TEX36: variants seen among roughly 807,000 people sequenced by gnomAD.
The protein encoded by TEX36 is testis-expressed protein 36.
A neutral mutation model predicts 13.6 loss-of-function variants in TEX36; 12 were observed. The observed-to-expected ratio is 0.88, with a 90% CI of 0.56 to 1.43. TEX36 has a LOEUF of 1.43. TEX36 is among the 40% of genes most tolerant of loss of function. The pLI, the probability that TEX36 is intolerant of heterozygous loss-of-function variation, is 0.00. For synonymous variants in TEX36, 93 were observed against 83.0 expected, an observed-to-expected ratio of 1.12 and a Z score of -0.65; for missense variants, 224 against 228.3, an observed-to-expected ratio of 0.98 and a Z score of 0.12.
At chr10:125,680,286 GTC>G (rs1423472076) in intron 1 of TEX36, among the ~76,000 whole-genome samples, 1 of 152,170 alleles carries the variant, frequency 6.6e-6, no homozygotes, top group Non-Finnish European at 1.5e-5. Flanking sequence ...CAAGAATGAT[GTC>G]TCTCACCAGT....
At chr10:125,652,217 G>A (rs1179521801), downstream of TEX36, among the ~76,000 whole-genome samples, 1 of 152,144 alleles carries the variant, frequency 6.6e-6, no homozygotes, top group African/African-American at 2.4e-5. Context: ...GAAAACTGGA[G>A]GCATCATGCT....
intron 3 of TEX36, among the ~76,000 whole-genome samples, chr10:125,602,984 G>A (rs1250596843): frequency 6.6e-6 from 1 of 152,302 alleles, no homozygotes; most frequent in Admixed American, 6.5e-5. Flanking sequence ...TCCGGGGCTT[G>A]GGAAGGTTCC....
downstream of TEX36, among the ~76,000 whole-genome samples, chr10:125,651,051 C>T (rs564865501): frequency 2.1e-3 from 317 of 152,230 alleles, 2 homozygotes; most frequent in African/African-American, 7.1e-3. Context: ...GATTCACAGC[C>T]GAATTCTACC....
At chr10:125,667,967 A>G in intron 1 of TEX36, 2 of 887,022 alleles carry the variant, frequency 2.3e-6, no homozygotes, top group Non-Finnish European at 3.8e-6. Flanking sequence ...GGTGGTGGCA[A>G]GTTCCAGTGC....
chr10:125,638,168 G>T (rs1329490353), intron 3 of TEX36, among the ~76,000 whole-genome samples: 1 of 129,418 alleles, frequency 7.7e-6, no homozygotes, highest in Non-Finnish European at 1.6e-5. Context: ...CCCTCCCCCA[G>T]CCCCCATCCC....
At chr10:125,680,374 G>A (rs551561377) in intron 1 of TEX36, among the ~76,000 whole-genome samples, 6 of 152,244 alleles carry the variant, frequency 3.9e-5, no homozygotes, top group South Asian at 2.1e-4. Flanking sequence ...TGGCTCTAGC[G>A]TTTTAATTTC....
chr10:125,581,241 C>T (rs1032171796), intron 3 of TEX36, among the ~76,000 whole-genome samples: 2 of 152,118 alleles, frequency 1.3e-5, no homozygotes, highest in Admixed American at 6.5e-5. Context: ...CAGTCGGGGA[C>T]GGGAGTTGAT....
intron 3 of TEX36, among the ~76,000 whole-genome samples, chr10:125,589,513 G>C (rs904994610): frequency 6.6e-6 from 1 of 152,114 alleles, no homozygotes; most frequent in African/African-American, 2.4e-5. Context: ...CTATTTTAAA[G>C]GAGTGTCTTT....
chr10:125,624,266 G>A (rs1030236777), intron 3 of TEX36, among the ~76,000 whole-genome samples: 1 of 152,208 alleles, frequency 6.6e-6, no homozygotes, highest in Non-Finnish European at 1.5e-5. Flanking sequence ...AAATGACAGT[G>A]AGAGACACCG....
downstream of TEX36, among the ~76,000 whole-genome samples, chr10:125,620,293 C>T (rs1846414084): frequency 1.3e-5 from 2 of 152,168 alleles, no homozygotes; most frequent in South Asian, 4.2e-4. Context: ...AAAATCTTCG[C>T]TCATTTTGTC....
chr10:125,588,526 G>A (rs1845984756), intron 3 of TEX36, among the ~76,000 whole-genome samples: 1 of 152,204 alleles, frequency 6.6e-6, no homozygotes, highest in African/African-American at 2.4e-5. Flanking sequence ...AGGTGAAAGG[G>A]GAAGCAATGC....
At chr10:125,593,168 A>C (rs1399376713) in intron 3 of TEX36, among the ~76,000 whole-genome samples, 10 of 152,210 alleles carry the variant, frequency 6.6e-5, no homozygotes, top group Non-Finnish European at 1.5e-4. Flanking sequence ...ACCATCCCCC[A>C]TCCTGGGGCT....
chr10:125,593,002 T>C (rs773163158), intron 3 of TEX36, among the ~76,000 whole-genome samples: 2 of 152,180 alleles, frequency 1.3e-5, no homozygotes, highest in Non-Finnish European at 2.9e-5. Context: ...ACCCTGCCCG[T>C]TTGGGTTTTT....
chr10:125,664,028 T>C (rs1209567425), intron 1 of TEX36, among the ~76,000 whole-genome samples: 1 of 152,198 alleles, frequency 6.6e-6, no homozygotes, highest in Non-Finnish European at 1.5e-5. Flanking sequence ...TAACCATCAT[T>C]CTACTCTCTA....
intron 1 of TEX36, among the ~76,000 whole-genome samples, chr10:125,664,844 G>A (rs1364742030): frequency 6.6e-6 from 1 of 152,166 alleles, no homozygotes; most frequent in Non-Finnish European, 1.5e-5. Context: ...CAGTGTACAG[G>A]TGTTCTCTTT....
In TEX36 at chr10:125,599,191, T is replaced by C. The variant is rs116834983; in HGVS notation, c.265-22317A>G. 1.9e-3 allele frequency among the ~76,000 whole-genome samples: 292 copies of C among 152,322 alleles called. 1 individual carries two copies. Among genetic ancestry groups the C allele is most frequent in the African/African-American group, 6.8e-3 (283 of 41,570 alleles). On this transcript the variant is annotated intron_variant, in intron 3 of 3. Coordinates refer to the TEX36 transcript ENST00000532135. ...ATGGAAGAAGAAAAAGAAAAACACCTATAATCCTAGCAAACTGCATCCACT... is the reference window on the plus strand; with the variant it reads ...ATGGAAGAAGAAAAAGAAAAACACCCATAATCCTAGCAAACTGCATCCACT...
chr10:125,602,249 G>A (rs997811083), intron 3 of TEX36, among the ~76,000 whole-genome samples: 2 of 152,142 alleles, frequency 1.3e-5, no homozygotes, highest in African/African-American at 4.8e-5. Context: ...CCCATCTCCT[G>A]GCAGGTACAT....
chr10:125,669,503 C>T (rs1478019454), intron 1 of TEX36, among the ~76,000 whole-genome samples: 6 of 151,536 alleles, frequency 4.0e-5, no homozygotes, highest in Admixed American at 6.6e-5. Flanking sequence ...AAAAATTCCT[C>T]GGCTTTTGCT....
At chr10:125,657,763 T>C (rs1179487144) in intron 3 of TEX36, among the ~76,000 whole-genome samples, 1 of 152,082 alleles carries the variant, frequency 6.6e-6, no homozygotes, top group Non-Finnish European at 1.5e-5. Context: ...CTACAGGGCT[T>C]GGGGGAATAC....
Sources: gnomAD v4.1 joint callset for allele counts (sites outside exome capture counted in the v4.1 genomes callset) on GRCh38, gnomAD v4.1.1 for gene constraint, MANE v1.5 for transcripts, NCBI Gene and HGNC (gene_info 2026-07-23, HGNC 2026-07-21) for gene names.